The following ICA1 variants were observed in gnomAD, a reference collection of about 807,000 sequenced individuals.
The protein encoded by ICA1 is 69 kDa islet cell autoantigen.
Under a neutral mutation model 71.0 loss-of-function variants are expected in ICA1, and 40 were observed. The ratio of observed to expected loss-of-function variants is 0.56; its 90% CI spans 0.44 to 0.73. The LOEUF is 0.73. Among genes scored for constraint, ICA1 ranks in the 30% least tolerant of loss-of-function variants. The pLI, the probability that ICA1 is intolerant of heterozygous loss-of-function variation, is 0.00. For missense variants in ICA1, 578 were observed against 576.5 expected (o/e 1.00, Z -0.03); for synonymous variants, 207 against 209.5 (o/e 0.99, Z 0.10).
intron 13 of ICA1, among the ~76,000 whole-genome samples, chr7:8,125,169 T>C (rs1245138817): frequency 1.3e-5 from 2 of 152,206 alleles, no homozygotes; most frequent in Admixed American, 6.5e-5. Flanking sequence ...CCCTTTTAAA[T>C]AGGAAATCAG....
At chr7:8,207,966 T>G (rs1006967047) in intron 6 of ICA1, among the ~76,000 whole-genome samples, 1 of 152,140 alleles carries the variant, frequency 6.6e-6, no homozygotes, top group Non-Finnish European at 1.5e-5. Context: ...AACCTATGAC[T>G]CCATTATAGG....
At chr7:8,259,331 G>A (rs1213260101) in intron 1 of ICA1, among the ~76,000 whole-genome samples, 2 of 152,278 alleles carry the variant, frequency 1.3e-5, no homozygotes, top group Admixed American at 6.5e-5. Context: ...AGTGACAGGG[G>A]CTTGGAAGAT....
At chr7:8,117,362 G>A (rs1204843100) in intron 13 of ICA1, among the ~76,000 whole-genome samples, 3 of 152,176 alleles carry the variant, frequency 2.0e-5, no homozygotes, top group Non-Finnish European at 4.4e-5. Context: ...TGGTTAAGAG[G>A]CATTCAGCAC....
At chr7:8,170,236 G>A (rs1807801798) in intron 6 of ICA1, among the ~76,000 whole-genome samples, 1 of 151,844 alleles carries the variant, frequency 6.6e-6, no homozygotes, top group African/African-American at 2.4e-5. Context: ...ACACTGTCTC[G>A]ATTACTGTCA....
Position 8,113,797 on chromosome 7 carries a change from G to C in ICA1, c.*126C>G, listed in dbSNP as rs1445873375. Reference sequence around the variant, plus strand: ...TTATACCAATATAAACAGGGCCGTTGACCCTTTCATTTTATTAAAATGGCA... The same window carrying C: ...TTATACCAATATAAACAGGGCCGTTCACCCTTTCATTTTATTAAAATGGCA... On this transcript the variant is annotated 3_prime_UTR_variant, in exon 14 of 14. Coordinates refer to ENST00000402384, the MANE Select transcript of ICA1 (RefSeq NM_001136020.3). This position sits in a 1 kb window ranked among gnomAD's most constrained non-coding sequence, Gnocchi z 4.2. 1 of 1,013,678 alleles carries C rather than the reference G, an allele frequency of 9.9e-7. No homozygotes were observed. 62.8% of individuals were successfully genotyped at this position (1,013,678 alleles called of 1,614,324 possible). A position where few individuals can be genotyped will look rare whatever the true frequency, so the allele number is the denominator to read the frequency against.
intron 6 of ICA1, 52 bp downstream of exon 6, chr7:8,218,253 T>C (rs1795977731): frequency 6.7e-7 from 1 of 1,501,432 alleles, no homozygotes; most frequent in Middle Eastern, 1.8e-4. Flanking sequence ...AAATCACACC[T>C]CATTACCTTC....
intron 12 of ICA1, among the ~76,000 whole-genome samples, chr7:8,134,795 A>G (rs1792780472): frequency 6.6e-6 from 1 of 152,170 alleles, no homozygotes; most frequent in Non-Finnish European, 1.5e-5. Context: ...AGATTATAAT[A>G]AGAACAGAGA....
chr7:8,208,318 G>A (rs1014556577), intron 6 of ICA1, among the ~76,000 whole-genome samples: 1 of 152,058 alleles, frequency 6.6e-6, no homozygotes. Flanking sequence ...AACGCTATTG[G>A]CATTCGGGAA....
At chr7:8,139,625 C>T (rs2128118132) in intron 10 of ICA1, among the ~76,000 whole-genome samples, 1 of 152,262 alleles carries the variant, frequency 6.6e-6, no homozygotes, top group Non-Finnish European at 1.5e-5. Context: ...GTAATGCCCA[C>T]AAAATGTATA....
chr7:8,154,061 T>A (rs1800630608), intron 8 of ICA1, among the ~76,000 whole-genome samples: 1 of 151,808 alleles, frequency 6.6e-6, no homozygotes, highest in South Asian at 2.1e-4. Flanking sequence ...CTATTTATTA[T>A]AAAAAAATTA....
At chr7:8,182,831 CA>C (rs1782629539) in intron 6 of ICA1, among the ~76,000 whole-genome samples, 1 of 152,082 alleles carries the variant, frequency 6.6e-6, no homozygotes, top group African/African-American at 2.4e-5. Flanking sequence ...AAAGAAAACC[CA>C]CTGTCACTGT....
intron 6 of ICA1, among the ~76,000 whole-genome samples, chr7:8,174,588 G>A (rs1039003876): frequency 6.6e-6 from 1 of 151,798 alleles, no homozygotes; most frequent in Non-Finnish European, 1.5e-5. Flanking sequence ...GAGCTCAGGA[G>A]TTTCAGACCA....
intron 1 of ICA1, among the ~76,000 whole-genome samples, chr7:8,237,587 T>G (rs1366068930): frequency 1.3e-5 from 2 of 152,136 alleles, no homozygotes; most frequent in Non-Finnish European, 2.9e-5. Flanking sequence ...ATTGAACAAC[T>G]CCCCATTTTC....
At chr7:8,186,705 G>A (rs141270201) in intron 6 of ICA1, among the ~76,000 whole-genome samples, 296 of 152,262 alleles carry the variant, frequency 1.9e-3, no homozygotes, top group African/African-American at 6.6e-3. Context: ...GGCAGGAAAA[G>A]GGGCAGATCA....
chr7:8,257,516 T>A (rs1012654046), intron 1 of ICA1, among the ~76,000 whole-genome samples: 1 of 152,166 alleles, frequency 6.6e-6, no homozygotes, highest in African/African-American at 2.4e-5. Context: ...CTTTCTAGTC[T>A]CCAATCTAGA....
At chr7:8,212,308 TACTCC>T (rs1406529215) in intron 6 of ICA1, among the ~76,000 whole-genome samples, 3 of 152,216 alleles carry the variant, frequency 2.0e-5, no homozygotes, top group African/African-American at 7.2e-5. Flanking sequence ...CTCACACCTG[TACTCC>T]CAGCACTTTG....
chr7:8,157,815 G>C (rs1249403045), intron 7 of ICA1: 1 of 151,308 alleles, frequency 6.6e-6, no homozygotes, highest in Non-Finnish European at 1.5e-5. Context: ...AGCCTCCCAA[G>C]TAGCTGAAAC....
chr7:8,202,155 C>T (rs906839978), intron 6 of ICA1, among the ~76,000 whole-genome samples: 1 of 152,188 alleles, frequency 6.6e-6, no homozygotes, highest in African/African-American at 2.4e-5. Flanking sequence ...GCTTCTTAAC[C>T]TTATTCAACT....
At chr7:8,216,116 G>C in intron 6 of ICA1, among the ~76,000 whole-genome samples, 1 of 152,348 alleles carries the variant, frequency 6.6e-6, no homozygotes, top group South Asian at 2.1e-4. Flanking sequence ...AAAACATCAT[G>C]AGGTCAGCTG....
Sources: gnomAD v4.1 joint callset for allele counts (sites outside exome capture counted in the v4.1 genomes callset) on GRCh38, gnomAD v4.1.1 for gene constraint, Gnocchi (gnomAD v3.1) non-coding constraint, MANE v1.5 for transcripts, NCBI Gene and HGNC (gene_info 2026-07-23, HGNC 2026-07-21) for gene names.